Variants in NLGN1 observed in about 807,000 individuals in gnomAD.
NLGN1 encodes neuroligin 1, also known as neuroligin-1.
Under a neutral mutation model 65.5 loss-of-function variants are expected in NLGN1, and 12 were observed. That is an observed-to-expected ratio of 0.18 (90% CI 0.12 to 0.30). The LOEUF (loss-of-function observed/expected upper bound fraction) is 0.30, where lower values mean the gene tolerates loss of function less well. Ranked by LOEUF, NLGN1 falls within the 10% of genes least tolerant of loss-of-function variation. The probability of loss-of-function intolerance (pLI) is 1.00; values close to 1 mark genes in which losing one functional copy is unlikely to be tolerated. For synonymous variants in NLGN1, 350 were observed against 359.5 expected, an observed-to-expected ratio of 0.97 and a Z score of 0.30; for missense variants, 750 against 1,007.1, an observed-to-expected ratio of 0.74 and a Z score of 3.46.
At chr3:173,740,981 C>G (rs753469556) in intron 3 of NLGN1, among the ~76,000 whole-genome samples, 7 of 152,106 alleles carry the variant, frequency 4.6e-5, no homozygotes, top group Non-Finnish European at 1.0e-4. Flanking sequence ...CTTTATAAAA[C>G]ACGCAAAGTA....
exon 5 of NLGN1, chr3:174,275,471 A>G (rs756859895): frequency 8.7e-6 from 14 of 1,612,542 alleles, no homozygotes; most frequent in Non-Finnish European, 1.1e-5. Flanking sequence ...TCATGTGTCA[A>G]CCTGCTGACT....
intron 4 of NLGN1, among the ~76,000 whole-genome samples, chr3:174,073,780 C>G (rs922891579): frequency 6.6e-6 from 1 of 152,154 alleles, no homozygotes; most frequent in African/African-American, 2.4e-5. Context: ...GTCTGATTAT[C>G]ACAATACCCA....
chr3:173,498,100 A>T (rs939526736), intron 2 of NLGN1, among the ~76,000 whole-genome samples: 3 of 151,626 alleles, frequency 2.0e-5, no homozygotes, highest in Non-Finnish European at 2.9e-5. Context: ...CATGTGCACA[A>T]CGTGCAGGTT....
At chr3:173,472,315 G>A (rs1220097407) in intron 2 of NLGN1, among the ~76,000 whole-genome samples, 3 of 151,916 alleles carry the variant, frequency 2.0e-5, no homozygotes, top group Admixed American at 6.6e-5. Flanking sequence ...AAAAACTTCT[G>A]CCATTTCTAT....
intron 2 of NLGN1, among the ~76,000 whole-genome samples, chr3:173,514,217 A>AT (rs1560366956): frequency 1.3e-5 from 2 of 152,158 alleles, no homozygotes; most frequent in East Asian, 3.8e-4. Context: ...AAATTTATCT[A>AT]TTTTTTGAGA....
chr3:174,042,770 G>C (rs1341982147), intron 4 of NLGN1, among the ~76,000 whole-genome samples: 3 of 152,164 alleles, frequency 2.0e-5, no homozygotes, highest in African/African-American at 7.2e-5. Flanking sequence ...CTAGGGCTCA[G>C]AGTGGTAGAA....
intron 2 of NLGN1, among the ~76,000 whole-genome samples, chr3:173,591,484 C>G (rs1026565174): frequency 1.3e-5 from 2 of 152,178 alleles, no homozygotes; most frequent in Admixed American, 1.3e-4. Flanking sequence ...TCCTAGTAGA[C>G]AGCTACTCCT....
chr3:174,040,886 T>A (rs1732152172), intron 4 of NLGN1, among the ~76,000 whole-genome samples: 1 of 152,210 alleles, frequency 6.6e-6, no homozygotes, highest in Non-Finnish European at 1.5e-5. Flanking sequence ...TTTTTTAATA[T>A]GTAGTTCAAA....
chr3:173,670,511 G>A (rs982962519), intron 3 of NLGN1, among the ~76,000 whole-genome samples: 6 of 152,098 alleles, frequency 3.9e-5, no homozygotes, highest in African/African-American at 1.2e-4. Flanking sequence ...CTAATTATAA[G>A]TTATTGGTGG....
intron 3 of NLGN1, among the ~76,000 whole-genome samples, chr3:173,684,714 AT>A (rs764170115): frequency 6.6e-5 from 10 of 152,344 alleles, no homozygotes; most frequent in Non-Finnish European, 1.3e-4. Flanking sequence ...CAAATTACAT[AT>A]TGAGAATTTA....
chr3:173,571,080 T>C (rs899422066), intron 2 of NLGN1, among the ~76,000 whole-genome samples: 9 of 152,184 alleles, frequency 5.9e-5, no homozygotes. Context: ...TCTGAGGTCT[T>C]TCTGTACCCC....
At chr3:173,847,063 G>A (rs1725930664) in intron 4 of NLGN1, among the ~76,000 whole-genome samples, 1 of 152,064 alleles carries the variant, frequency 6.6e-6, no homozygotes, top group African/African-American at 2.4e-5. Context: ...TGCCCATGAT[G>A]CTTAATAATA....
At chr3:173,553,855 C>T (rs1741284715) in intron 2 of NLGN1, among the ~76,000 whole-genome samples, 1 of 152,120 alleles carries the variant, frequency 6.6e-6, no homozygotes. Context: ...ACTCATTGAG[C>T]CCTCTGCTGG....
intron 4 of NLGN1, among the ~76,000 whole-genome samples, chr3:173,909,031 G>A (rs1739027490): frequency 1.3e-5 from 2 of 152,010 alleles, no homozygotes; most frequent in African/African-American, 4.8e-5. Flanking sequence ...CTACCAGTGA[G>A]GTGGAAAAAT....
At chr3:173,798,027 C>A (rs1399868415) in intron 3 of NLGN1, among the ~76,000 whole-genome samples, 1 of 152,060 alleles carries the variant, frequency 6.6e-6, no homozygotes, top group African/African-American at 2.4e-5. Context: ...GAAAGAAAGA[C>A]AATTCCATCT....
At chr3:173,910,908 A>C (rs1171548547) in intron 4 of NLGN1, 1 of 152,208 alleles carries the variant, frequency 6.6e-6, no homozygotes, top group East Asian at 1.9e-4. Context: ...AGGAAAACAA[A>C]TTATTTGAAA....
Position 173,811,033 on chromosome 3 carries a change from C to T in NLGN1, c.646+3201C>T, listed in dbSNP as rs193014485. Among the ~76,000 whole-genome samples the T allele has an allele frequency of 1.8e-4, 27 of 152,296 alleles. No homozygotes were observed. The East Asian group carries it at 3.7e-3, about 21-fold the overall frequency. On this transcript the variant is annotated intron_variant, in intron 4 of 6. Transcript: ENST00000457714. ...CCCAGTTTCATGTTAGAGCTCCTGGCGACCTCCTGCCATTTAGTTTCACAC... is the reference window on the plus strand; with the variant it reads ...CCCAGTTTCATGTTAGAGCTCCTGGTGACCTCCTGCCATTTAGTTTCACAC...
intron 4 of NLGN1, among the ~76,000 whole-genome samples, chr3:174,049,508 G>T (rs1292175499): frequency 6.6e-6 from 1 of 152,044 alleles, no homozygotes; most frequent in Non-Finnish European, 1.5e-5. Flanking sequence ...GAAATGAAAA[G>T]ATCCAGAGGG....
At chr3:173,560,014 G>C (rs1056818291) in intron 2 of NLGN1, among the ~76,000 whole-genome samples, 1 of 146,556 alleles carries the variant, frequency 6.8e-6, no homozygotes, top group African/African-American at 2.5e-5. Flanking sequence ...CACGATCTCA[G>C]CTCACTGCCA....
Sources: gnomAD v4.1 joint callset for allele counts (sites outside exome capture counted in the v4.1 genomes callset) on GRCh38, gnomAD v4.1.1 for gene constraint, MANE v1.5 for transcripts, NCBI Gene and HGNC (gene_info 2026-07-23, HGNC 2026-07-21) for gene names.